RAB12: variants seen among roughly 807,000 people sequenced by gnomAD.
RAB12 encodes the protein RAB12, member RAS oncogene family, also known as ras-related protein Rab-12.
Under a neutral mutation model 28.4 loss-of-function variants are expected in RAB12, and 11 were observed. The ratio of observed to expected loss-of-function variants is 0.39; its 90% CI spans 0.24 to 0.64. The LOEUF is 0.64. Among genes scored for constraint, RAB12 ranks in the 30% least tolerant of loss-of-function variants. RAB12 has a pLI of 0.50. For synonymous variants in RAB12, 138 were observed against 145.3 expected (o/e 0.95, Z 0.36); for missense variants, 276 against 351.1 (o/e 0.79, Z 1.71).
At chr18:8,633,665 G>A (rs1425950760) in intron 3 of RAB12, among the ~76,000 whole-genome samples, 2 of 152,184 alleles carry the variant, frequency 1.3e-5, no homozygotes, top group Admixed American at 1.3e-4. Flanking sequence ...CTCATCTCAT[G>A]CACGTCCACT....
intron 1 of RAB12, among the ~76,000 whole-genome samples, chr18:8,613,009 C>T (rs1295737021): frequency 6.6e-6 from 1 of 152,110 alleles, no homozygotes; most frequent in East Asian, 1.9e-4. Flanking sequence ...ATAAAAGATC[C>T]GTAGTGGAAG....
intron 3 of RAB12, chr18:8,635,122 A>C (rs2096018146): frequency 6.5e-6 from 1 of 154,150 alleles, no homozygotes; most frequent in Non-Finnish European, 1.4e-5. Context: ...TTCCTGTGTC[A>C]TTCTCTGTTC....
chr18:8,620,108 G>A lies in RAB12; in HGVS notation c.515-4830G>A, dbSNP rs924597013. On this transcript the variant is annotated intron_variant, in intron 1 of 5. Transcript: ENST00000649141. ...GATCCTGCCACTGCACTCCAGCCTG[G>A]GTGACAAAGCCTTCTTTTTTTTTTC... 1.0e-4 allele frequency among the ~76,000 whole-genome samples: 15 copies of A among 144,478 alleles called. No homozygotes were observed. In the East Asian group the frequency reaches 1.6e-3, roughly 15 times the overall value. 94.8% of individuals were successfully genotyped at this position (144,478 alleles called of 152,430 possible). A position where few individuals can be genotyped will look rare whatever the true frequency, so the allele number is the denominator to read the frequency against.
At chr18:8,633,371 G>A in intron 3 of RAB12, 44 bp downstream of exon 3, 1 of 1,604,366 alleles carries the variant, frequency 6.2e-7, no homozygotes, top group African/African-American at 1.3e-5. Context: ...CTCTGCTTGT[G>A]AGTCTTAATC....
At position 8,636,342 on chromosome 18, in the gene RAB12, T is replaced by C; in HGVS notation, c.894T>C (p.Asp298=). ...NVDEIFLKLV[D]DILKKMPLDI... is the part of the protein sequence containing the mutation. The stretch of plus-strand genomic sequence containing the variant: ...ACGAGATATTTTTGAAACTTGTCGA[T>C]GACATTCTGAAAAAGGTAAAAAAAA... The change falls in exon 5 of 6, where the codon GAT becomes GAC. Residue 298 remains aspartate, a synonymous_variant. Transcript: ENST00000649141. 1 of 1,598,972 alleles carries C rather than the reference T, an allele frequency of 6.3e-7. No individual in the cohort carries two copies. Among genetic ancestry groups the C allele is most frequent in the South Asian group, 1.1e-5 (1 of 89,740 alleles).
At position 8,612,171 on chromosome 18, in the gene RAB12, C is replaced by G. The variant is rs138956271; in HGVS notation, c.514+2218C>G. Among the ~76,000 whole-genome samples the G allele has an allele frequency of 7.6e-3, 1,155 of 152,310 alleles. 17 individuals carry two copies. Among genetic ancestry groups the G allele is most frequent in the African/African-American group, 0.026 (1,101 of 41,554 alleles). On this transcript the variant is annotated intron_variant, in intron 1 of 5. Coordinates refer to ENST00000649141, the MANE Select transcript of RAB12 (RefSeq NM_001025300.3). Reference sequence around the variant, plus strand: ...GGAGCTTCTGGGAGCTGCGTGACCGCTTGTCAGGGCAGTGACAGATGTGTA... The same window carrying G: ...GGAGCTTCTGGGAGCTGCGTGACCGGTTGTCAGGGCAGTGACAGATGTGTA...
chr18:8,631,747 AC>A (rs763433447), intron 2 of RAB12, among the ~76,000 whole-genome samples: 1 of 152,152 alleles, frequency 6.6e-6, no homozygotes, highest in Non-Finnish European at 1.5e-5. Context: ...ATTTCCTTGT[AC>A]CCTTATGATT....
intron 1 of RAB12, among the ~76,000 whole-genome samples, chr18:8,612,410 C>T (rs527466186): frequency 3.3e-5 from 5 of 152,226 alleles, no homozygotes; most frequent in Non-Finnish European, 5.9e-5. Context: ...TCCCGGGGTT[C>T]TTCCCAGGCT....
rs1228319292 is a variant in RAB12 at position 8,636,314 on chromosome 18, T to C, written c.866T>C (p.Val289Ala). The C allele has an allele frequency of 6.2e-7, 1 of 1,611,928 alleles. No individual in the cohort carries two copies. The highest frequency in any genetic ancestry group is 8.5e-7 in the Non-Finnish European group (1 of 1,179,170). ...GCAAGTGCCAAGGATAACTTCAATGTGGACGAGATATTTTTGAAACTTGTC... is the reference window on the plus strand; with the variant it reads ...GCAAGTGCCAAGGATAACTTCAATGCGGACGAGATATTTTTGAAACTTGTC... ...CEASAKDNFN[V>A]DEIFLKLVDD... Residue 289 changes from valine to alanine, a missense_variant, in exon 5 of 6, where the codon GTG becomes GCG. Physicochemically the swap from Val to Ala is moderately conservative, Grantham distance 64. Coordinates refer to ENST00000649141, the MANE Select transcript of RAB12 (RefSeq NM_001025300.3).
Position 8,638,265 on chromosome 18 carries a change from T to A in RAB12, c.*3T>A. ...GACCACATGTCCGATGCTGTTGATT[T>A]CCTACTTTGGAGACAAAGTGGAAAT... On this transcript the variant is annotated 3_prime_UTR_variant, in exon 6 of 6. Coordinates refer to ENST00000649141, the MANE Select transcript of RAB12 (RefSeq NM_001025300.3). 6.2e-7 allele frequency: 1 copy of A among 1,603,140 alleles called. No individual in the cohort carries two copies. The highest frequency in any genetic ancestry group is 1.1e-5 in the South Asian group (1 of 90,742).
intron 1 of RAB12, among the ~76,000 whole-genome samples, chr18:8,614,684 C>G (rs1264374136): frequency 6.6e-6 from 1 of 152,142 alleles, no homozygotes; most frequent in African/African-American, 2.4e-5. Flanking sequence ...CTCCCAGGTT[C>G]AAGCAGTTCT....
intron 5 of RAB12, 22 bp downstream of exon 5, chr18:8,636,379 A>G: frequency 7.3e-7 from 1 of 1,365,220 alleles, no homozygotes; most frequent in Non-Finnish European, 1.0e-6. Flanking sequence ...AATCTACATT[A>G]TAAAAGTATA....
At chr18:8,615,247 C>T (rs569251066) in intron 1 of RAB12, among the ~76,000 whole-genome samples, 3 of 152,250 alleles carry the variant, frequency 2.0e-5, no homozygotes, top group Middle Eastern at 3.4e-3. Flanking sequence ...GAATGTTAGG[C>T]GGCATGACAA....
chr18:8,612,170 G>T (rs913073403), intron 1 of RAB12, among the ~76,000 whole-genome samples: 1 of 152,202 alleles, frequency 6.6e-6, no homozygotes, highest in Non-Finnish European at 1.5e-5. Context: ...CTGCGTGACC[G>T]CTTGTCAGGG....
chr18:8,630,949 C>T (rs574378389), intron 2 of RAB12, among the ~76,000 whole-genome samples: 38 of 152,372 alleles, frequency 2.5e-4, no homozygotes, highest in South Asian at 6.2e-4. Flanking sequence ...AGTGCAGTGG[C>T]GCGATTGCAG....
intron 2 of RAB12, chr18:8,632,833 C>T: frequency 4.4e-6 from 1 of 229,290 alleles, no homozygotes. Flanking sequence ...AACTTTTCCC[C>T]CATTTTATTT....
chr18:8,610,696 G>A (rs1332754501), intron 1 of RAB12, among the ~76,000 whole-genome samples: 2 of 152,204 alleles, frequency 1.3e-5, no homozygotes, highest in African/African-American at 4.8e-5. Context: ...CATGCTTAGA[G>A]GACTTGACAT....
chr18:8,611,971 G>A (rs2096004078), intron 1 of RAB12, among the ~76,000 whole-genome samples: 1 of 152,226 alleles, frequency 6.6e-6, no homozygotes, highest in African/African-American at 2.4e-5. Context: ...GCCTGCTGCA[G>A]AGCGGGAAGA....
At chr18:8,610,220 T>C in intron 1 of RAB12, 1 of 370,944 alleles carries the variant, frequency 2.7e-6, no homozygotes, top group South Asian at 4.4e-5. Flanking sequence ...TGGGGGCGGC[T>C]CTCCACGGAA....
Sources: gnomAD v4.1 joint callset for allele counts (sites outside exome capture counted in the v4.1 genomes callset) on GRCh38, gnomAD v4.1.1 for gene constraint, MANE v1.5 for transcripts, NCBI Gene and HGNC (gene_info 2026-07-23, HGNC 2026-07-21) for gene names.